Variants in SCAPER observed in about 807,000 individuals in gnomAD.
The protein encoded by SCAPER is S phase cyclin A-associated protein in the endoplasmic reticulum.
In SCAPER, 98 loss-of-function variants were observed where a neutral mutation model predicts 182.2. The ratio of observed to expected loss-of-function variants is 0.54; its 90% confidence interval spans 0.46 to 0.64. The LOEUF (loss-of-function observed/expected upper bound fraction) is 0.64. Ranked by LOEUF, SCAPER falls within the 30% of genes least tolerant of loss-of-function variation. The pLI is 0.00. For synonymous variants in SCAPER, 605 were observed against 564.6 expected, an observed-to-expected ratio of 1.07 and a Z score of -1.01; for missense variants, 1,432 against 1,690.0, an observed-to-expected ratio of 0.85 and a Z score of 2.68.
chr15:76,734,539 T>G (rs1345155203), intron 15 of SCAPER, among the ~76,000 whole-genome samples: 2 of 152,188 alleles, frequency 1.3e-5, no homozygotes, highest in African/African-American at 4.8e-5. Context: ...CTTTAATAAG[T>G]AGATTAATCA....
chr15:76,838,743 C>A (rs930190330), intron 5 of SCAPER, among the ~76,000 whole-genome samples: 8 of 152,158 alleles, frequency 5.3e-5, no homozygotes, highest in African/African-American at 1.9e-4. Context: ...AATGTATTCC[C>A]AGCATGTTTT....
intron 21 of SCAPER, among the ~76,000 whole-genome samples, chr15:76,661,657 C>T (rs2056179072): frequency 6.6e-6 from 1 of 151,882 alleles, no homozygotes; most frequent in Non-Finnish European, 1.5e-5. Flanking sequence ...GTCAGAATAG[C>T]GATTACTAAT....
chr15:76,536,231 G>T (rs1479015378), intron 23 of SCAPER, among the ~76,000 whole-genome samples: 2 of 152,108 alleles, frequency 1.3e-5, no homozygotes, highest in Middle Eastern at 3.4e-3. Context: ...AAGTGCGGTG[G>T]TGTGTGCCAC....
chr15:76,696,587 GA>G (rs113416885), intron 20 of SCAPER, among the ~76,000 whole-genome samples: 10,207 of 151,308 alleles, frequency 0.067, 380 homozygotes, highest in Middle Eastern at 0.11. Flanking sequence ...ATTTAAAATG[GA>G]AAAAAAACCT....
intron 22 of SCAPER, among the ~76,000 whole-genome samples, chr15:76,613,972 AGT>A (rs2145975843): frequency 6.6e-6 from 1 of 152,366 alleles, no homozygotes; most frequent in Non-Finnish European, 1.5e-5. Flanking sequence ...CACTATTCAC[AGT>A]AACAAAGACA....
intron 2 of SCAPER, among the ~76,000 whole-genome samples, chr15:76,875,687 C>T (rs1403578555): frequency 1.3e-5 from 2 of 152,254 alleles, no homozygotes; most frequent in East Asian, 1.9e-4. Flanking sequence ...TTAAAGACAG[C>T]GTGTCCGGAG....
intron 22 of SCAPER, among the ~76,000 whole-genome samples, chr15:76,593,129 G>T (rs116285848): frequency 8.2e-6 from 1 of 121,480 alleles, no homozygotes; most frequent in Admixed American, 9.3e-5. Context: ...GCTTGAGCTT[G>T]GTGTGGGGAG....
At chr15:76,507,277 G>T (rs1371478220) in intron 23 of SCAPER, among the ~76,000 whole-genome samples, 1 of 152,166 alleles carries the variant, frequency 6.6e-6, no homozygotes, top group Non-Finnish European at 1.5e-5. Flanking sequence ...ACAGCAAGTG[G>T]TGGCCATCCA....
At chr15:76,724,580 G>T (rs2060472598) in intron 17 of SCAPER, among the ~76,000 whole-genome samples, 1 of 151,994 alleles carries the variant, frequency 6.6e-6, no homozygotes, top group African/African-American at 2.4e-5. Context: ...ACGTAGATTT[G>T]GTCTTTTCAC....
intron 27 of SCAPER, among the ~76,000 whole-genome samples, chr15:76,400,702 C>T (rs999867920): frequency 6.6e-6 from 1 of 152,148 alleles, no homozygotes; most frequent in Admixed American, 6.6e-5. Context: ...CAGGAAACCA[C>T]CTGGACCTTC....
intron 21 of SCAPER, among the ~76,000 whole-genome samples, chr15:76,635,442 T>C (rs1203824076): frequency 2.6e-5 from 4 of 152,234 alleles, no homozygotes; most frequent in Non-Finnish European, 5.9e-5. Context: ...GATTTTTTTT[T>C]CCTCATGAAT....
At chr15:76,506,511 T>A (rs1231356826) in intron 23 of SCAPER, among the ~76,000 whole-genome samples, 2 of 152,018 alleles carry the variant, frequency 1.3e-5, no homozygotes, top group African/African-American at 4.8e-5. Flanking sequence ...AGGTTCTCTA[T>A]GAGAATAATG....
intron 5 of SCAPER, among the ~76,000 whole-genome samples, chr15:76,833,228 T>C (rs2068658066): frequency 6.6e-6 from 1 of 152,174 alleles, no homozygotes; most frequent in Non-Finnish European, 1.5e-5. Context: ...ATATTCACTA[T>C]CCTTAATGAA....
At chr15:76,365,150 C>T (rs1314747840) in intron 29 of SCAPER, among the ~76,000 whole-genome samples, 1 of 152,172 alleles carries the variant, frequency 6.6e-6, no homozygotes, top group Non-Finnish European at 1.5e-5. Context: ...GAATGAGTCT[C>T]AGCACTGAAG....
At chr15:76,798,076 G>C (rs557296916) in intron 7 of SCAPER, among the ~76,000 whole-genome samples, 1 of 152,192 alleles carries the variant, frequency 6.6e-6, no homozygotes, top group South Asian at 2.1e-4. Context: ...GAACATCAAA[G>C]TGGCCAGGCA....
At position 76,579,865 on chromosome 15, in the gene SCAPER, A is replaced by G. The variant is rs186205193; in HGVS notation, c.2712-5581T>C. Among the ~76,000 whole-genome samples, 398 of 152,334 alleles carry G rather than the reference A, an allele frequency of 2.6e-3. 2 individuals carry two copies. Among genetic ancestry groups the G allele is most frequent in the African/African-American group, 9.2e-3 (382 of 41,592 alleles). ...AAAATGGAAACCAAACAAGAGTACA[A>G]GTAGCTATACTTATGTCAGAAAAAA... On this transcript the variant is annotated intron_variant, in intron 22 of 31. Transcript: ENST00000563290.
At chr15:76,770,134 C>G (rs536115300) in intron 10 of SCAPER, among the ~76,000 whole-genome samples, 109 of 138,346 alleles carry the variant, frequency 7.9e-4, no homozygotes, top group African/African-American at 2.8e-3. Context: ...TGTTCTGACT[C>G]ATAGGTGGGA....
chr15:76,621,320 C>T (rs549461340), intron 22 of SCAPER, among the ~76,000 whole-genome samples: 3 of 152,284 alleles, frequency 2.0e-5, no homozygotes, highest in South Asian at 4.1e-4. Flanking sequence ...TGAGAATTAG[C>T]ATTAGAGAAC....
At chr15:76,623,811 G>A (rs1470971030) in intron 21 of SCAPER, among the ~76,000 whole-genome samples, 1 of 152,108 alleles carries the variant, frequency 6.6e-6, no homozygotes, top group African/African-American at 2.4e-5. Context: ...AAGACCATAT[G>A]ATCATCTCAA....
Sources: allele counts gnomAD v4.1 joint callset (sites outside exome capture counted in the v4.1 genomes callset), GRCh38; gene constraint gnomAD v4.1.1; transcripts MANE v1.5; gene names NCBI Gene and HGNC (gene_info 2026-07-23, HGNC 2026-07-21).